CADM2: variants seen among roughly 807,000 people sequenced by gnomAD.
CADM2 encodes the protein cell adhesion molecule 2, also known as immunoglobulin superfamily member 4D.
CADM2 carries 12 observed loss-of-function variants against 49.8 expected under a neutral mutation model. The observed-to-expected ratio is 0.24, with a 90% CI of 0.15 to 0.39. The LOEUF is 0.39. Among genes scored for constraint, CADM2 ranks in the 10% least tolerant of loss-of-function variants. The pLI, the probability that CADM2 is intolerant of heterozygous loss-of-function variation, is 1.00. For synonymous variants in CADM2, 214 were observed against 175.4 expected, an observed-to-expected ratio of 1.22 and a Z score of -1.74; for missense variants, 378 against 492.3, an observed-to-expected ratio of 0.77 and a Z score of 2.20.
chr3:85,709,850 A>G (rs1159178812), intron 1 of CADM2, among the ~76,000 whole-genome samples: 1 of 152,096 alleles, frequency 6.6e-6, no homozygotes, highest in Non-Finnish European at 1.5e-5. Context: ...ATCTCTTTGA[A>G]AAGGGGGTTT....
At chr3:85,312,927 AGGAG>A (rs758336472) in intron 1 of CADM2, among the ~76,000 whole-genome samples, 8 of 152,204 alleles carry the variant, frequency 5.3e-5, no homozygotes, top group Non-Finnish European at 1.0e-4. Context: ...TGATTCCTAT[AGGAG>A]GAAGACTTAT....
At chr3:85,929,901 A>C (rs1262085827) in intron 6 of CADM2, among the ~76,000 whole-genome samples, 1 of 152,012 alleles carries the variant, frequency 6.6e-6, no homozygotes, top group African/African-American at 2.4e-5. Context: ...TGATGAAAAT[A>C]AATAGAAATA....
intron 8 of CADM2, among the ~76,000 whole-genome samples, chr3:86,007,271 C>T (rs901086902): frequency 6.6e-6 from 1 of 151,618 alleles, no homozygotes; most frequent in Admixed American, 6.6e-5. Context: ...TTTGATAAGG[C>T]TTATTAAAAT....
intron 3 of CADM2, among the ~76,000 whole-genome samples, chr3:85,822,972 A>G (rs935751785): frequency 1.3e-5 from 2 of 152,174 alleles, no homozygotes; most frequent in Admixed American, 6.6e-5. Context: ...CCTACCTGCC[A>G]TTGCAAAGCA....
chr3:85,045,006 A>G (rs188324902), intron 1 of CADM2, among the ~76,000 whole-genome samples: 3 of 152,162 alleles, frequency 2.0e-5, no homozygotes, highest in African/African-American at 7.2e-5. Context: ...GGTGTGCATA[A>G]GACATTGCTT....
At chr3:85,251,789 T>C (rs2042779762) in intron 1 of CADM2, among the ~76,000 whole-genome samples, 1 of 152,008 alleles carries the variant, frequency 6.6e-6, no homozygotes, top group Admixed American at 6.6e-5. Flanking sequence ...TTACTCACTT[T>C]GTGTTTTCAA....
intron 1 of CADM2, among the ~76,000 whole-genome samples, chr3:85,723,184 C>T (rs560156789): frequency 7.2e-5 from 11 of 152,002 alleles, no homozygotes; most frequent in East Asian, 1.9e-4. Context: ...AATATTATAA[C>T]GAACAATCTC....
intron 5 of CADM2, among the ~76,000 whole-genome samples, chr3:85,908,548 A>G (rs186170522): frequency 6.6e-4 from 100 of 152,136 alleles, no homozygotes; most frequent in African/African-American, 2.4e-3. Context: ...TTCTTTAGGT[A>G]TATTTAAAAA....
At chr3:85,389,208 C>A (rs961479933) in intron 1 of CADM2, among the ~76,000 whole-genome samples, 1 of 151,998 alleles carries the variant, frequency 6.6e-6, no homozygotes. Flanking sequence ...CCACTTTGCA[C>A]CCACAATTTT....
Position 85,693,582 on chromosome 3 carries a change from AAAG to A in CADM2, c.62-32937_62-32935del, listed in dbSNP as rs1302748273. ...GCGAAAGAGCAAAAAAAAAAAAAAA[AAAG>A]AAAAGAAAAAATCAGAAGGAGGCTG... On this transcript the variant is annotated intron_variant, in intron 1 of 9. Coordinates refer to ENST00000383699, the MANE Select transcript of CADM2 (RefSeq NM_001167675.2). 1.0e-4 allele frequency among the ~76,000 whole-genome samples: 15 copies of A among 147,292 alleles called. No individual in the cohort carries two copies. The South Asian group carries it at 2.2e-3, about 21-fold the overall frequency.
At chr3:85,669,515 C>G (rs1180183994) in intron 1 of CADM2, among the ~76,000 whole-genome samples, 2 of 152,092 alleles carry the variant, frequency 1.3e-5, no homozygotes, top group Admixed American at 1.3e-4. Context: ...AATGGTCAGT[C>G]AAGTATTTAT....
intron 1 of CADM2, among the ~76,000 whole-genome samples, chr3:85,660,501 GA>G (rs1372531707): frequency 6.6e-6 from 1 of 151,022 alleles, no homozygotes; most frequent in Non-Finnish European, 1.5e-5. Flanking sequence ...TGCTTTAAAA[GA>G]GTTCTTTTAG....
chr3:85,457,900 C>A (rs1048286762), intron 1 of CADM2, among the ~76,000 whole-genome samples: 2 of 151,918 alleles, frequency 1.3e-5, no homozygotes, highest in African/African-American at 4.8e-5. Context: ...TTTGAAATCC[C>A]CCAAATATAA....
At chr3:86,041,337 A>G (rs1330780480) in intron 8 of CADM2, among the ~76,000 whole-genome samples, 3 of 152,194 alleles carry the variant, frequency 2.0e-5, no homozygotes, top group Admixed American at 6.5e-5. Context: ...CAGGAAACCC[A>G]TCTCACTTGC....
intron 1 of CADM2, among the ~76,000 whole-genome samples, chr3:85,427,186 AT>A (rs1446206835): frequency 7.1e-6 from 1 of 141,334 alleles, no homozygotes; most frequent in Non-Finnish European, 1.5e-5. Flanking sequence ...ATATATATAT[AT>A]ATATATATAT....
intron 3 of CADM2, among the ~76,000 whole-genome samples, chr3:85,874,992 C>G (rs1711607440): frequency 6.6e-6 from 1 of 152,034 alleles, no homozygotes; most frequent in African/African-American, 2.4e-5. Context: ...CAAATAGTAA[C>G]ACAGTTTCCA....
At chr3:85,499,966 G>A (rs2040048503) in intron 1 of CADM2, among the ~76,000 whole-genome samples, 3 of 152,120 alleles carry the variant, frequency 2.0e-5, no homozygotes, top group African/African-American at 7.2e-5. Flanking sequence ...TGAGTAGAGT[G>A]CTGCTTAGTT....
intron 8 of CADM2, among the ~76,000 whole-genome samples, chr3:86,060,355 C>T (rs1738483611): frequency 6.6e-6 from 1 of 152,048 alleles, no homozygotes; most frequent in South Asian, 2.1e-4. Context: ...TATCCTAAGA[C>T]ACTACCTCCA....
chr3:85,706,104 T>A (rs1451112616), intron 1 of CADM2, among the ~76,000 whole-genome samples: 2 of 152,222 alleles, frequency 1.3e-5, no homozygotes, highest in Non-Finnish European at 2.9e-5. Context: ...ATGATTAGAA[T>A]TGCTCAGATA....
Sources: gnomAD v4.1 joint callset for allele counts (sites outside exome capture counted in the v4.1 genomes callset) on GRCh38, gnomAD v4.1.1 for gene constraint, MANE v1.5 for transcripts, NCBI Gene and HGNC (gene_info 2026-07-23, HGNC 2026-07-21) for gene names.